Variants in THSD4 observed in about 807,000 individuals in gnomAD.
THSD4 encodes the protein thrombospondin type-1 domain-containing protein 4.
Under a neutral mutation model 119.0 loss-of-function variants are expected in THSD4, and 69 were observed. The ratio of observed to expected loss-of-function variants is 0.58; its 90% CI spans 0.48 to 0.71. THSD4 has a LOEUF of 0.71. Ranked by LOEUF, THSD4 falls within the 30% of genes least tolerant of loss-of-function variation. THSD4 has a pLI of 0.00. For synonymous variants in THSD4, 524 were observed against 540.4 expected (o/e 0.97, Z 0.42); for missense variants, 1,393 against 1,391.1 (o/e 1.00, Z -0.02).
At chr15:71,117,356 C>T (rs531866403) in intron 1 of THSD4, among the ~76,000 whole-genome samples, 1 of 152,134 alleles carries the variant, frequency 6.6e-6, no homozygotes, top group East Asian at 1.9e-4. Flanking sequence ...TTGTTTTTGC[C>T]TCGAAAAACT....
intron 6 of THSD4, among the ~76,000 whole-genome samples, chr15:71,381,995 G>A (rs1409662107): frequency 6.6e-6 from 1 of 151,978 alleles, no homozygotes; most frequent in Non-Finnish European, 1.5e-5. Context: ...AGATCAAAAA[G>A]AATTAATTTA....
intron 8 of THSD4, among the ~76,000 whole-genome samples, chr15:71,713,513 T>C (rs2052553409): frequency 6.6e-6 from 1 of 152,222 alleles, no homozygotes; most frequent in South Asian, 2.1e-4. Context: ...TTACGTTTTA[T>C]TGATGTCATG....
rs2046689485 is a variant in THSD4, at chr15:71,411,720, A to G, written c.1049A>G (p.Gln350Arg). 1.9e-6 allele frequency: 3 copies of G among 1,614,028 alleles called. No individual in the cohort carries two copies. In the African/African-American group the frequency reaches 4.0e-5, roughly 22 times the overall value. ...AATCGCAAATGTGAGTTGAACTGCC[A>G]GGCAATGGGCTACCGCTTCTATGTA... ...KGNRKCELNC[Q>R]AMGYRFYVRQ... Residue 350 changes from glutamine (Q) to arginine (R), a missense_variant, in exon 7 of 18, where the codon CAG becomes CGG. Physicochemically the swap from Gln to Arg is conservative, Grantham distance 43. Transcript: ENST00000261862.
At chr15:71,130,622 A>G (rs956693667) in intron 1 of THSD4, among the ~76,000 whole-genome samples, 1 of 152,200 alleles carries the variant, frequency 6.6e-6, no homozygotes, top group Non-Finnish European at 1.5e-5. Flanking sequence ...TTACAGCCTC[A>G]GTTTCCTTCT....
chr15:71,512,287 C>T (rs1008757242), intron 7 of THSD4, among the ~76,000 whole-genome samples: 1 of 152,162 alleles, frequency 6.6e-6, no homozygotes, highest in African/African-American at 2.4e-5. Flanking sequence ...CTCAAAAATG[C>T]TAGCAAATTA....
In THSD4 at chr15:71,737,738, C is replaced by T. The variant is rs375275074; in HGVS notation, c.1637C>T (p.Pro546Leu). Reference sequence around the variant, plus strand: ...GCACGCTCACCTCTCCTAGGGGAACCCTTCAATGGCCAGATGGTGACAGAA... The same window carrying T: ...GCACGCTCACCTCTCCTAGGGGAACTCTTCAATGGCCAGATGGTGACAGAA... ...QVPPHRRPGE[P>L]FNGQMVTEGR... The change falls in exon 11 of 18, where the codon CCC becomes CTC. Residue 546 changes from proline (P) to leucine (L), a missense_variant. By Grantham distance (98) the Pro-to-Leu change is moderately conservative (BLOSUM62 -3). Transcript: ENST00000261862. The T allele has an allele frequency of 1.2e-6, 2 of 1,608,204 alleles. No individual in the cohort carries two copies. The highest frequency in any genetic ancestry group is 1.7e-6 in the Non-Finnish European group (2 of 1,176,992).
chr15:71,426,667 G>T (rs17794470), intron 7 of THSD4, among the ~76,000 whole-genome samples: 10,543 of 152,098 alleles, frequency 0.069, 518 homozygotes, highest in Admixed American at 0.17. Context: ...CTTCTAATTT[G>T]CCCAAATTCC....
At chr15:71,768,560 ATTTTT>A (rs964263863) in intron 16 of THSD4, among the ~76,000 whole-genome samples, 8 of 99,278 alleles carry the variant, frequency 8.1e-5, no homozygotes, top group African/African-American at 2.2e-4. Flanking sequence ...GCAGATCCTG[ATTTTT>A]TTTTTTTTTT....
At chr15:71,446,347 T>C (rs1424826122) in intron 7 of THSD4, among the ~76,000 whole-genome samples, 2 of 152,216 alleles carry the variant, frequency 1.3e-5, no homozygotes, top group Non-Finnish European at 2.9e-5. Context: ...GCCAGTGTCG[T>C]CTTGTAAAAT....
intron 7 of THSD4, among the ~76,000 whole-genome samples, chr15:71,628,634 C>T (rs2050554138): frequency 6.6e-6 from 1 of 152,184 alleles, no homozygotes; most frequent in Non-Finnish European, 1.5e-5. Context: ...AACTCCCAGG[C>T]AATGTTGATG....
At chr15:71,717,129 A>G (rs1247568017) in intron 8 of THSD4, among the ~76,000 whole-genome samples, 1 of 152,216 alleles carries the variant, frequency 6.6e-6, no homozygotes, top group Non-Finnish European at 1.5e-5. Flanking sequence ...GTTTTTGAAA[A>G]TGGGCCTTCT....
At chr15:71,372,860 G>T (rs972528435) in intron 6 of THSD4, among the ~76,000 whole-genome samples, 1 of 152,218 alleles carries the variant, frequency 6.6e-6, no homozygotes, top group Non-Finnish European at 1.5e-5. Context: ...GTTCAGCTAT[G>T]CCCTGCCTGC....
intron 6 of THSD4, among the ~76,000 whole-genome samples, chr15:71,309,619 A>G (rs2045083306): frequency 6.6e-6 from 1 of 152,172 alleles, no homozygotes; most frequent in South Asian, 2.1e-4. Context: ...TCTGAGATTT[A>G]TAGTTTTAGA....
intron 6 of THSD4, among the ~76,000 whole-genome samples, chr15:71,312,228 T>C (rs188368851): frequency 6.6e-6 from 1 of 152,192 alleles, no homozygotes; most frequent in East Asian, 1.9e-4. Flanking sequence ...CTAGGGAGGC[T>C]GAGGCAGGAG....
intron 6 of THSD4, among the ~76,000 whole-genome samples, chr15:71,335,879 T>G (rs1158616432): frequency 6.6e-6 from 1 of 152,104 alleles, no homozygotes; most frequent in Non-Finnish European, 1.5e-5. Context: ...CCCAAACAGA[T>G]GCTGGAGATT....
At chr15:71,345,774 T>A (rs974901905) in intron 6 of THSD4, among the ~76,000 whole-genome samples, 2 of 147,876 alleles carry the variant, frequency 1.4e-5, no homozygotes, top group African/African-American at 2.5e-5. Context: ...CCAGAATAAG[T>A]GAACATAATT....
intron 7 of THSD4, among the ~76,000 whole-genome samples, chr15:71,554,462 C>T (rs997027748): frequency 2.6e-5 from 4 of 152,120 alleles, no homozygotes; most frequent in Admixed American, 6.5e-5. Context: ...AATCACGTCT[C>T]ACTGCAGCCT....
intron 3 of THSD4, chr15:71,165,165 T>G: frequency 1.3e-6 from 2 of 1,591,868 alleles, no homozygotes; most frequent in Non-Finnish European, 1.7e-6. Context: ...TTCTTTTTTG[T>G]CTCCCCTTTG....
chr15:71,229,816 C>T (rs973076362), intron 4 of THSD4, among the ~76,000 whole-genome samples: 2 of 152,082 alleles, frequency 1.3e-5, no homozygotes, highest in Admixed American at 1.3e-4. Context: ...TTCTTATTAT[C>T]ATGATTGATA....
Sources: allele counts gnomAD v4.1 joint callset (sites outside exome capture counted in the v4.1 genomes callset), GRCh38; gene constraint gnomAD v4.1.1; transcripts MANE v1.5; gene names NCBI Gene and HGNC (gene_info 2026-07-23, HGNC 2026-07-21).